The following BANF2 variants were observed in gnomAD, a reference collection of about 807,000 sequenced individuals.
The protein encoded by BANF2 is barrier-to-autointegration factor-like protein.
In BANF2, 4 loss-of-function variants were observed where a neutral mutation model predicts 8.0. That is an observed-to-expected ratio of 0.50 (90% CI 0.25 to 1.14). The LOEUF (loss-of-function observed/expected upper bound fraction) is 1.14, where lower values mean the gene tolerates loss of function less well. Ranked by LOEUF, BANF2 falls within the 50% of genes most tolerant of loss-of-function variation. BANF2 has a pLI of 0.16. For synonymous variants in BANF2, 50 were observed against 40.6 expected, an observed-to-expected ratio of 1.23 and a Z score of -0.88; for missense variants, 96 against 107.5, an observed-to-expected ratio of 0.89 and a Z score of 0.47.
chr20:17,693,853 C>T, intron 1 of BANF2: 1 of 968,886 alleles, frequency 1.0e-6, no homozygotes, highest in Middle Eastern at 3.2e-4. Flanking sequence ...GAACGTGTCT[C>T]TGCAGGCAGC....
chr20:17,700,927 T>G (rs1355442022), intron 1 of BANF2, among the ~76,000 whole-genome samples: 2 of 152,200 alleles, frequency 1.3e-5, no homozygotes, highest in African/African-American at 4.8e-5. Context: ...TCCACACAGC[T>G]GCAGCTGCGT....
intron 1 of BANF2, among the ~76,000 whole-genome samples, chr20:17,711,524 G>A (rs796323437): frequency 1.3e-5 from 2 of 152,346 alleles, no homozygotes; most frequent in African/African-American, 4.8e-5. Flanking sequence ...AAGGAAGCAG[G>A]AGAGGGCAGG....
At chr20:17,734,442 C>A (rs2037946209) in intron 3 of BANF2, among the ~76,000 whole-genome samples, 1 of 152,182 alleles carries the variant, frequency 6.6e-6, no homozygotes, top group South Asian at 2.1e-4. Context: ...GCAGAGCACA[C>A]CGTGTGCATT....
At chr20:17,732,191 C>T (rs1189185656) in intron 3 of BANF2, among the ~76,000 whole-genome samples, 1 of 152,230 alleles carries the variant, frequency 6.6e-6, no homozygotes, top group Non-Finnish European at 1.5e-5. Flanking sequence ...TGTGTGAAAA[C>T]ATGGCTCAGA....
Position 17,735,721 on chromosome 20 carries a change from G to T in BANF2, c.183G>T (p.Gln61His). The T allele has an allele frequency of 6.2e-7, 1 of 1,613,888 alleles. No individual in the cohort carries two copies. The highest frequency in any genetic ancestry group is 8.5e-7 in the Non-Finnish European group (1 of 1,179,776). ...LLMHKNEAEF[Q>H]RWLICCFGAT... ...TGCACAAGAATGAAGCCGAGTTTCA[G>T]AGGTGGCTCATTTGCTGTTTTGGTG... The change falls in exon 4 of 4, where the codon CAG becomes CAT. Residue 61 changes from glutamine to histidine, a missense_variant. Coordinates refer to ENST00000246090, the MANE Select transcript of BANF2 (RefSeq NM_178477.5).
chr20:17,728,427 C>G (rs1277725287), intron 3 of BANF2, among the ~76,000 whole-genome samples: 1 of 152,186 alleles, frequency 6.6e-6, no homozygotes, highest in Non-Finnish European at 1.5e-5. Flanking sequence ...ACCAGCGCCC[C>G]CGCTCCACCC....
chr20:17,727,610 G>A (rs1039072285), intron 3 of BANF2, among the ~76,000 whole-genome samples: 12 of 152,180 alleles, frequency 7.9e-5, no homozygotes, highest in African/African-American at 2.2e-4. Flanking sequence ...ATGGGCAAGC[G>A]CTTCAAGGTG....
At chr20:17,727,860 T>A (rs1357930192) in intron 3 of BANF2, among the ~76,000 whole-genome samples, 1 of 152,080 alleles carries the variant, frequency 6.6e-6, no homozygotes, top group East Asian at 1.9e-4. Context: ...CACCTCAGCC[T>A]CCCAAGTAGC....
intron 1 of BANF2, among the ~76,000 whole-genome samples, chr20:17,721,023 G>A (rs529208387): frequency 7.9e-5 from 12 of 152,338 alleles, no homozygotes; most frequent in African/African-American, 2.9e-4. Flanking sequence ...ACTTTGAGAA[G>A]TGCTAGTTGT....
At chr20:17,697,926 C>T (rs954170675), upstream of BANF2, among the ~76,000 whole-genome samples, 5 of 151,774 alleles carry the variant, frequency 3.3e-5, no homozygotes, top group Non-Finnish European at 7.4e-5. Context: ...GGTACCCGGC[C>T]GGGTACGGTG....
chr20:17,734,675 G>C (rs1034802952), intron 3 of BANF2, among the ~76,000 whole-genome samples: 1 of 152,200 alleles, frequency 6.6e-6, no homozygotes, highest in Non-Finnish European at 1.5e-5. Context: ...GGGTCGGGGA[G>C]GGAGGGTGCC....
At chr20:17,732,503 G>A (rs1300087003) in intron 3 of BANF2, among the ~76,000 whole-genome samples, 4 of 152,148 alleles carry the variant, frequency 2.6e-5, no homozygotes, top group African/African-American at 9.7e-5. Context: ...ATTACACGCG[G>A]CTGCCACCAT....
intron 1 of BANF2, among the ~76,000 whole-genome samples, chr20:17,711,718 G>C (rs1051098747): frequency 5.5e-4 from 83 of 152,286 alleles, no homozygotes; most frequent in African/African-American, 1.9e-3. Flanking sequence ...GCACCTCCCA[G>C]GTGTCTCCAG....
chr20:17,709,596 C>A (rs997904455), intron 1 of BANF2, among the ~76,000 whole-genome samples: 2 of 152,016 alleles, frequency 1.3e-5, no homozygotes, highest in African/African-American at 4.8e-5. Flanking sequence ...TATGTGCACC[C>A]AAGCAGAGGA....
chr20:17,728,376 T>G (rs1435088622), intron 3 of BANF2, among the ~76,000 whole-genome samples: 1 of 152,142 alleles, frequency 6.6e-6, no homozygotes, highest in Non-Finnish European at 1.5e-5. Context: ...CGGCTCTCTC[T>G]AGAGACCCAA....
chr20:17,724,578 T>A (rs1056935754), intron 2 of BANF2, among the ~76,000 whole-genome samples: 3 of 152,140 alleles, frequency 2.0e-5, no homozygotes, highest in African/African-American at 7.2e-5. Flanking sequence ...GTTTGAAGAG[T>A]TTCTAGAGAG....
chr20:17,717,570 T>C (rs1489361015), intron 1 of BANF2, among the ~76,000 whole-genome samples: 4 of 152,216 alleles, frequency 2.6e-5, no homozygotes, highest in African/African-American at 7.2e-5. Context: ...TCATTAGGGT[T>C]AGCTCAGAGC....
At chr20:17,725,763 A>G (rs1023600134) in intron 3 of BANF2, among the ~76,000 whole-genome samples, 1 of 152,264 alleles carries the variant, frequency 6.6e-6, no homozygotes, top group African/African-American at 2.4e-5. Context: ...GAGAGTGAGC[A>G]CAGACAAGGC....
At chr20:17,715,876 G>A (rs970008632) in intron 1 of BANF2, among the ~76,000 whole-genome samples, 1 of 152,178 alleles carries the variant, frequency 6.6e-6, no homozygotes, top group South Asian at 2.1e-4. Flanking sequence ...AAGGGTAGTC[G>A]CCGTCAGGCA....
Sources: gnomAD v4.1 joint callset for allele counts (sites outside exome capture counted in the v4.1 genomes callset) on GRCh38, gnomAD v4.1.1 for gene constraint, MANE v1.5 for transcripts, NCBI Gene and HGNC (gene_info 2026-07-23, HGNC 2026-07-21) for gene names.